The following TRPM1 variants were observed in gnomAD, a reference collection of about 807,000 sequenced individuals.
TRPM1 encodes transient receptor potential cation channel subfamily M member 1, also known as TRPM1-203 APA Isoform, Intron 10.
TRPM1 carries 113 observed loss-of-function variants against 149.4 expected under a neutral mutation model. That is an observed-to-expected ratio of 0.76 (90% CI 0.65 to 0.88). The LOEUF is 0.88. Among genes scored for constraint, TRPM1 ranks in the 40% least tolerant of loss-of-function variants. The pLI is 0.00. For missense variants in TRPM1, 1,976 were observed against 2,038.7 expected (o/e 0.97, Z 0.59); for synonymous variants, 741 against 759.5 (o/e 0.98, Z 0.40).
At chr15:31,104,886 G>A (rs1407956902), upstream of TRPM1, among the ~76,000 whole-genome samples, 1 of 151,872 alleles carries the variant, frequency 6.6e-6, no homozygotes, top group Admixed American at 6.6e-5. Flanking sequence ...GAGCCACCAT[G>A]CCCAGCTGCA....
chr15:31,060,593 CGGTTCCAAGCCAGTGCCAAG>C lies in TRPM1; in HGVS notation c.1194_1213del (p.Ser398ArgfsTer66). 6.2e-7 allele frequency: 1 copy of C among 1,614,242 alleles called. No individual in the cohort carries two copies. Among genetic ancestry groups the C allele is most frequent in the South Asian group, 1.1e-5 (1 of 91,086 alleles). ...GATCTGGCTTCGTGCTATGTCCACG[CGGTTCCAAGCCAGTGCCAAG>C]CTCAGCTGATCTGGAGCAGATACGT... On this transcript the variant is annotated frameshift_variant, in exon 11 of 28. Coordinates refer to ENST00000256552, the MANE Select transcript of TRPM1 (RefSeq NM_001252024.2). LOFTEE classifies it high-confidence loss of function.
At chr15:31,061,409 A>T in intron 10 of TRPM1, 33 bp downstream of exon 10, 1 of 1,606,258 alleles carries the variant, frequency 6.2e-7, no homozygotes, top group South Asian at 1.1e-5. Flanking sequence ...CCAACATCAG[A>T]GGGACAGGAG....
chr15:31,089,541 G>A (rs546943001), intron 1 of TRPM1, among the ~76,000 whole-genome samples: 1 of 152,340 alleles, frequency 6.6e-6, no homozygotes, highest in East Asian at 1.9e-4. Context: ...GGGCAGCGGT[G>A]GATGGGGGGC....
chr15:31,058,956 G>T (rs1340028405), intron 11 of TRPM1, among the ~76,000 whole-genome samples: 2 of 152,154 alleles, frequency 1.3e-5, no homozygotes, highest in African/African-American at 2.4e-5. Context: ...TGTGGTGGGT[G>T]CCTGTAGTCC....
At chr15:31,107,289 T>G (rs964002312) in intron 1 of TRPM1, among the ~76,000 whole-genome samples, 2 of 152,222 alleles carry the variant, frequency 1.3e-5, no homozygotes, top group Non-Finnish European at 2.9e-5. Flanking sequence ...TTTCAGTAAT[T>G]TGTCTTTGCA....
chr15:31,095,427 G>T (rs982689770), intron 1 of TRPM1, among the ~76,000 whole-genome samples: 1 of 152,184 alleles, frequency 6.6e-6, no homozygotes, highest in African/African-American at 2.4e-5. Context: ...GCTCATGTCT[G>T]TAATCCCAGC....
chr15:31,084,441 A>G (rs1372372682), intron 1 of TRPM1, among the ~76,000 whole-genome samples: 1 of 152,082 alleles, frequency 6.6e-6, no homozygotes, highest in Non-Finnish European at 1.5e-5. Flanking sequence ...TGGGCACTCT[A>G]TATGAATGGA....
chr15:31,108,686 G>A (rs1044657819), intron 1 of TRPM1, among the ~76,000 whole-genome samples: 5 of 152,098 alleles, frequency 3.3e-5, no homozygotes, highest in African/African-American at 1.2e-4. Context: ...TGGAGACAGC[G>A]TTTCTCTGTG....
rs2141099404 is a variant in TRPM1 at position 31,002,368 on chromosome 15, G to T, written c.4332C>A (p.Arg1444=). 6.2e-7 allele frequency: 1 copy of T among 1,614,218 alleles called. No homozygotes were observed. The highest frequency in any genetic ancestry group is 8.5e-7 in the Non-Finnish European group (1 of 1,180,042). The change falls in exon 28 of 28, where the codon CGC becomes CGA. Residue 1444 remains arginine, a synonymous_variant. Transcript: ENST00000256552. ...CATTGATCGTTTCATCGGGGAAATA[G>T]CGTGTAATTTTGGTTTCTTCCAGGG... ...SYPLEETKIT[R]YFPDETINAC...
At chr15:31,030,531 G>A (rs2033018765) in intron 23 of TRPM1, among the ~76,000 whole-genome samples, 1 of 152,210 alleles carries the variant, frequency 6.6e-6, no homozygotes, top group Non-Finnish European at 1.5e-5. Flanking sequence ...CACTCTAGTA[G>A]TGAAGATGAA....
chr15:31,088,282 G>A (rs1397205158), intron 1 of TRPM1, among the ~76,000 whole-genome samples: 1 of 152,202 alleles, frequency 6.6e-6, no homozygotes, highest in Non-Finnish European at 1.5e-5. Context: ...GCCAAATAAG[G>A]GAATAAAAGC....
intron 25 of TRPM1, 140 bp downstream of exon 25, chr15:31,028,192 A>G: frequency 2.0e-6 from 2 of 978,244 alleles, no homozygotes; most frequent in South Asian, 2.8e-5. Flanking sequence ...GAACAAAGAG[A>G]CTGCAAAAAT....
At chr15:31,050,650 T>A in intron 11 of TRPM1, 68 bp from the exon 12 acceptor site, 1 of 1,565,930 alleles carries the variant, frequency 6.4e-7, no homozygotes, top group South Asian at 1.1e-5. Flanking sequence ...GACCAGCTCA[T>A]TGACCCTCCC....
intron 15 of TRPM1, among the ~76,000 whole-genome samples, chr15:31,046,621 C>T (rs1179454296): frequency 1.3e-5 from 2 of 152,076 alleles, no homozygotes; most frequent in Non-Finnish European, 2.9e-5. Flanking sequence ...GGCAGGTACA[C>T]GTCTTTGATT....
At chr15:31,151,671 G>A (rs913994966) in intron 1 of TRPM1, among the ~76,000 whole-genome samples, 33 of 152,312 alleles carry the variant, frequency 2.2e-4, no homozygotes, top group African/African-American at 7.5e-4. Flanking sequence ...CATAAACTCC[G>A]TACACCTTCT....
At chr15:31,078,875 A>G (rs1339120075) in intron 2 of TRPM1, among the ~76,000 whole-genome samples, 1 of 152,234 alleles carries the variant, frequency 6.6e-6, no homozygotes, top group Non-Finnish European at 1.5e-5. Context: ...ACTCTAAACA[A>G]AGATTGAACT....
chr15:31,116,768 A>C (rs1458363998), intron 1 of TRPM1, among the ~76,000 whole-genome samples: 1 of 143,180 alleles, frequency 7.0e-6, no homozygotes. Context: ...TAACAGAGAG[A>C]GAGAAAAAAA....
chr15:31,063,389 C>T (rs780261894), intron 7 of TRPM1, 97 bp from the exon 8 acceptor site: 33 of 1,463,968 alleles, frequency 2.3e-5, no homozygotes, highest in South Asian at 2.0e-4. Context: ...AAAAACATTA[C>T]GACTTGGGGG....
chr15:31,132,208 C>T (rs990913681), intron 1 of TRPM1, among the ~76,000 whole-genome samples: 4 of 152,226 alleles, frequency 2.6e-5, no homozygotes, highest in South Asian at 2.1e-4. Flanking sequence ...CTCTGCCTCC[C>T]CTGGCCCCTC....
Sources: gnomAD v4.1 joint callset for allele counts (sites outside exome capture counted in the v4.1 genomes callset) on GRCh38, gnomAD v4.1.1 for gene constraint, MANE v1.5 for transcripts, NCBI Gene and HGNC (gene_info 2026-07-23, HGNC 2026-07-21) for gene names.